Variants in PPP2R2C observed in about 807,000 individuals in gnomAD.
The protein encoded by PPP2R2C is protein phosphatase 2, regulatory subunit B, gamma.
A neutral mutation model predicts 45.3 loss-of-function variants in PPP2R2C; 10 were observed. The ratio of observed to expected loss-of-function variants is 0.22; its 90% CI spans 0.14 to 0.37. The LOEUF (loss-of-function observed/expected upper bound fraction) is 0.37. Among genes scored for constraint, PPP2R2C ranks in the 10% least tolerant of loss-of-function variants. PPP2R2C has a pLI of 1.00. For missense variants in PPP2R2C, 308 were observed against 619.7 expected (o/e 0.50, Z 5.34); for synonymous variants, 257 against 245.4 (o/e 1.05, Z -0.44).
chr4:6,430,074 TG>T (rs755552274), intron 1 of PPP2R2C, among the ~76,000 whole-genome samples: 35 of 152,158 alleles, frequency 2.3e-4, no homozygotes, highest in Non-Finnish European at 1.8e-4. Flanking sequence ...ACCTCATAAG[TG>T]GGCCACGATC....
chr4:6,554,810 A>C (rs551060433), intron 1 of PPP2R2C, among the ~76,000 whole-genome samples: 62 of 150,854 alleles, frequency 4.1e-4, no homozygotes, highest in African/African-American at 1.4e-3. Flanking sequence ...CAGTGAGCCA[A>C]GATCATGCCA....
At chr4:6,410,210 C>T (rs564550996) in intron 1 of PPP2R2C, among the ~76,000 whole-genome samples, 5 of 152,196 alleles carry the variant, frequency 3.3e-5, no homozygotes, top group African/African-American at 4.8e-5. Flanking sequence ...TGTGATTATA[C>T]CAGGCTCGAG....
At chr4:6,529,593 C>T (rs1230401155) in intron 2 of PPP2R2C, among the ~76,000 whole-genome samples, 1 of 152,242 alleles carries the variant, frequency 6.6e-6, no homozygotes, top group Admixed American at 6.5e-5. Flanking sequence ...TTGCGGTTCA[C>T]ATGCAGCTCC....
At chr4:6,338,730 T>A (rs1327943579) in intron 6 of PPP2R2C, among the ~76,000 whole-genome samples, 1 of 152,092 alleles carries the variant, frequency 6.6e-6, no homozygotes, top group Non-Finnish European at 1.5e-5. Flanking sequence ...GCTGGGCCCC[T>A]AGGGCACTGC....
chr4:6,491,327 G>A (rs971511858), intron 2 of PPP2R2C, among the ~76,000 whole-genome samples: 11 of 152,186 alleles, frequency 7.2e-5, no homozygotes, highest in Non-Finnish European at 1.3e-4. Flanking sequence ...GCTGGCCAAT[G>A]AGCTTCTGCA....
intron 2 of PPP2R2C, among the ~76,000 whole-genome samples, chr4:6,507,267 A>G (rs990270071): frequency 3.9e-5 from 6 of 152,206 alleles, no homozygotes; most frequent in African/African-American, 1.4e-4. Context: ...CCCCAGCTAT[A>G]AACTAAAAGG....
intron 5 of PPP2R2C, among the ~76,000 whole-genome samples, chr4:6,361,249 C>T (rs1241626997): frequency 6.6e-6 from 1 of 152,214 alleles, no homozygotes; most frequent in Admixed American, 6.5e-5. Flanking sequence ...CCGCTCACTG[C>T]ACAAGCCACT....
chr4:6,456,451 C>T (rs1281730382), intron 1 of PPP2R2C, among the ~76,000 whole-genome samples: 2 of 152,174 alleles, frequency 1.3e-5, no homozygotes, highest in Non-Finnish European at 2.9e-5. Flanking sequence ...ATATGGGACA[C>T]ATTATCATGA....
At chr4:6,539,271 CA>C (rs1724731012) in intron 1 of PPP2R2C, among the ~76,000 whole-genome samples, 1 of 152,098 alleles carries the variant, frequency 6.6e-6, no homozygotes, top group Non-Finnish European at 1.5e-5. Context: ...AGGTTGTGGG[CA>C]AAACACCAGA....
Position 6,330,188 on chromosome 4 carries a change from C to T in PPP2R2C, c.961-835G>A, listed in dbSNP as rs899226527. The stretch of plus-strand genomic sequence containing the variant: ...CCTACAAGCCCTGTACCCGGAGGGC[C>T]GCATGAGTGCCAGCCCTCTGCTGAG... On this transcript the variant is annotated intron_variant, in intron 7 of 8. Transcript: ENST00000382599. This position sits in a 1 kb window ranked among gnomAD's most constrained non-coding sequence, Gnocchi z 7.0. 9.9e-5 allele frequency among the ~76,000 whole-genome samples: 15 copies of T among 152,176 alleles called. No homozygotes were observed. The highest frequency in any genetic ancestry group is 3.1e-4 in the African/African-American group (13 of 41,448).
At chr4:6,542,610 G>A (rs1323531277) in intron 1 of PPP2R2C, among the ~76,000 whole-genome samples, 1 of 150,746 alleles carries the variant, frequency 6.6e-6, no homozygotes, top group Non-Finnish European at 1.5e-5. Flanking sequence ...GGCTGAGGCA[G>A]GGAGAATTGC....
intron 2 of PPP2R2C, among the ~76,000 whole-genome samples, chr4:6,494,815 G>C (rs1314010125): frequency 6.6e-6 from 1 of 152,192 alleles, no homozygotes; most frequent in Non-Finnish European, 1.5e-5. Context: ...TCATGCAACT[G>C]CACCCAGCTG....
intron 1 of PPP2R2C, among the ~76,000 whole-genome samples, chr4:6,468,437 G>C (rs1205298235): frequency 6.6e-6 from 1 of 152,220 alleles, no homozygotes; most frequent in Non-Finnish European, 1.5e-5. Flanking sequence ...GAAAACATGG[G>C]TACATCCTTT....
chr4:6,519,870 A>C (rs1239583571), intron 2 of PPP2R2C, among the ~76,000 whole-genome samples: 1 of 151,618 alleles, frequency 6.6e-6, no homozygotes, highest in East Asian at 1.9e-4. Context: ...AGGAGGAGAC[A>C]GAGTGGCCTG....
upstream of PPP2R2C, among the ~76,000 whole-genome samples, chr4:6,474,594 C>T (rs1293291033): frequency 6.6e-6 from 1 of 152,202 alleles, no homozygotes; most frequent in Non-Finnish European, 1.5e-5. Context: ...AAAACAGCCC[C>T]ACTCTGGCCT....
intron 2 of PPP2R2C, among the ~76,000 whole-genome samples, chr4:6,491,629 C>T (rs1406899677): frequency 1.3e-5 from 2 of 152,200 alleles, no homozygotes; most frequent in Non-Finnish European, 2.9e-5. Context: ...AATTGCAATC[C>T]TCAATGTTGG....
At chr4:6,455,827 G>A (rs534863873) in intron 1 of PPP2R2C, among the ~76,000 whole-genome samples, 48 of 152,034 alleles carry the variant, frequency 3.2e-4, no homozygotes, top group East Asian at 1.4e-3. Context: ...CATGAATGTC[G>A]CCCCCTCCCC....
At chr4:6,391,743 C>T (rs1430975763) in intron 1 of PPP2R2C, among the ~76,000 whole-genome samples, 2 of 152,216 alleles carry the variant, frequency 1.3e-5, no homozygotes, top group Non-Finnish European at 2.9e-5. Flanking sequence ...GGGGGAGCGG[C>T]AGCAGGGGAA....
Position 6,322,971 on chromosome 4 carries a change from TAA to T in PPP2R2C, c.*329_*330del. The T allele has an allele frequency of 4.5e-6, 1 of 221,466 alleles. No homozygotes were observed. Among genetic ancestry groups the T allele is most frequent in the Non-Finnish European group, 8.8e-6 (1 of 113,012 alleles). 13.7% of individuals were successfully genotyped at this position (221,466 alleles called of 1,614,324 possible). On this transcript the variant is annotated 3_prime_UTR_variant, in exon 9 of 9. Coordinates refer to ENST00000382599, the MANE Select transcript of PPP2R2C (RefSeq NM_020416.4). The surrounding 1 kb of genome is among the most constrained non-coding windows in gnomAD (Gnocchi z 7.8). ...CGCATAAAAAGTCCTATTGATGTGG[TAA>T]AGACCGCAGACCGAGACAGGAAGGG...
Sources: gnomAD v4.1 joint callset for allele counts (sites outside exome capture counted in the v4.1 genomes callset) on GRCh38, gnomAD v4.1.1 for gene constraint, Gnocchi (gnomAD v3.1) non-coding constraint, MANE v1.5 for transcripts, NCBI Gene and HGNC (gene_info 2026-07-23, HGNC 2026-07-21) for gene names.